The following SBF2 variants were observed in gnomAD, a reference collection of about 807,000 sequenced individuals.
The protein encoded by SBF2 is myotubularin-related protein 13.
SBF2 carries 112 observed loss-of-function variants against 225.2 expected under a neutral mutation model. That is an observed-to-expected ratio of 0.50 (90% CI 0.43 to 0.58). The LOEUF (loss-of-function observed/expected upper bound fraction) is 0.58, where lower values mean the gene tolerates loss of function less well. Among genes scored for constraint, SBF2 ranks in the 20% least tolerant of loss-of-function variants. SBF2 has a pLI of 0.00. For synonymous variants in SBF2, 763 were observed against 773.3 expected (o/e 0.99, Z 0.22); for missense variants, 1,996 against 2,206.2 (o/e 0.90, Z 1.91).
intron 2 of SBF2, among the ~76,000 whole-genome samples, chr11:10,156,055 C>T (rs1222173211): frequency 2.0e-5 from 3 of 152,192 alleles, no homozygotes; most frequent in Non-Finnish European, 2.9e-5. Context: ...GCTCTGGACC[C>T]GGGCATCCCT....
At chr11:9,830,845 T>C (rs1460611939) in intron 27 of SBF2, among the ~76,000 whole-genome samples, 1 of 150,332 alleles carries the variant, frequency 6.7e-6, no homozygotes, top group African/African-American at 2.5e-5. Context: ...ATATGAAATA[T>C]AGTAAATTTA....
chr11:10,016,388 T>C (rs984615788), intron 6 of SBF2: 2 of 152,194 alleles, frequency 1.3e-5, no homozygotes, highest in East Asian at 1.9e-4. Context: ...AGAAAATTAA[T>C]AGTATAATAC....
chr11:9,796,103 G>A (rs989740494), intron 32 of SBF2, 146 bp from the exon 33 acceptor site: 1 of 828,758 alleles, frequency 1.2e-6, no homozygotes, highest in Non-Finnish European at 1.9e-6. Flanking sequence ...AAGTAGAGAT[G>A]GGAAGGGAAC....
intron 2 of SBF2, among the ~76,000 whole-genome samples, chr11:10,193,515 C>T (rs531145996): frequency 7.2e-5 from 11 of 151,952 alleles, no homozygotes; most frequent in Admixed American, 2.0e-4. Context: ...CCACCACGCC[C>T]GGCTAATTTT....
intron 1 of SBF2, among the ~76,000 whole-genome samples, chr11:10,197,902 T>C (rs1274034215): frequency 6.6e-6 from 1 of 152,230 alleles, no homozygotes; most frequent in Non-Finnish European, 1.5e-5. Flanking sequence ...TATCGTGAGA[T>C]TGTAGCAATT....
intron 17 of SBF2, among the ~76,000 whole-genome samples, chr11:9,864,545 C>A (rs891494732): frequency 6.6e-6 from 1 of 152,042 alleles, no homozygotes; most frequent in African/African-American, 2.4e-5. Flanking sequence ...CACCACCATG[C>A]CTGGCTAATT....
intron 4 of SBF2, among the ~76,000 whole-genome samples, chr11:10,030,404 T>C (rs547195794): frequency 1.0e-3 from 153 of 152,310 alleles, no homozygotes; most frequent in Non-Finnish European, 1.9e-3. Flanking sequence ...ATAGCAAAAT[T>C]TGTGACTCTG....
intron 17 of SBF2, among the ~76,000 whole-genome samples, chr11:9,876,896 C>G (rs1211041446): frequency 6.6e-6 from 1 of 152,004 alleles, no homozygotes; most frequent in Admixed American, 6.6e-5. Context: ...CCACCACCAT[C>G]CCCAGCTAAA....
intron 6 of SBF2, among the ~76,000 whole-genome samples, chr11:10,024,143 G>A (rs913062724): frequency 6.6e-6 from 1 of 152,108 alleles, no homozygotes. Context: ...TATGTTGCGT[G>A]TATCAGCCAT....
intron 28 of SBF2, among the ~76,000 whole-genome samples, chr11:9,822,180 GAATT>G (rs2133919929): frequency 6.6e-6 from 1 of 151,516 alleles, no homozygotes; most frequent in African/African-American, 2.4e-5. Flanking sequence ...AAGACACTGA[GAATT>G]AAGAGGTTTC....
At chr11:10,258,423 T>C (rs1961095141) in intron 1 of SBF2, among the ~76,000 whole-genome samples, 1 of 152,144 alleles carries the variant, frequency 6.6e-6, no homozygotes, top group Non-Finnish European at 1.5e-5. Flanking sequence ...GGTAAATAAG[T>C]AAAGATATTA....
chr11:9,988,519 C>T (rs767206451), intron 13 of SBF2, among the ~76,000 whole-genome samples: 9 of 152,064 alleles, frequency 5.9e-5, no homozygotes, highest in East Asian at 5.8e-4. Flanking sequence ...TGACAAAAGA[C>T]GACTATCCAG....
intron 32 of SBF2, among the ~76,000 whole-genome samples, chr11:9,797,470 G>A (rs756758676): frequency 6.6e-5 from 10 of 152,206 alleles, no homozygotes; most frequent in Non-Finnish European, 1.5e-4. Flanking sequence ...CTGCTTCCTT[G>A]ATGTGAGCCA....
At position 10,002,698 on chromosome 11, in the gene SBF2, A is replaced by G. The variant is rs199676895; in HGVS notation, c.620-9T>C. On this transcript the variant is annotated splice_polypyrimidine_tract_variant and intron_variant, in intron 6 of 39. Transcript: ENST00000256190. The stretch of plus-strand genomic sequence containing the variant: ...GAGGACATTTTGAATTCCTGAAAAC[A>G]TAAGAGCAAGGACTTACAAATGCAT... The G allele has an allele frequency of 3.6e-5, 58 of 1,612,402 alleles. No individual in the cohort carries two copies. Among genetic ancestry groups the G allele is most frequent in the Middle Eastern group, 3.3e-4 (2 of 6,058 alleles).
At chr11:10,208,208 C>A (rs1278558139) in intron 1 of SBF2, among the ~76,000 whole-genome samples, 2 of 151,848 alleles carry the variant, frequency 1.3e-5, no homozygotes, top group Non-Finnish European at 2.9e-5. Flanking sequence ...ACTTCAGGCA[C>A]GGTAAACCAA....
intron 10 of SBF2, 57 bp downstream of exon 10, chr11:9,993,864 A>G (rs1947547040): frequency 4.7e-6 from 7 of 1,477,420 alleles, no homozygotes; most frequent in Non-Finnish European, 6.6e-6. Context: ...TAACAACCCT[A>G]TAAATAAAAA....
chr11:9,962,991 T>C (rs748875639), intron 15 of SBF2, among the ~76,000 whole-genome samples: 2 of 151,986 alleles, frequency 1.3e-5, no homozygotes, highest in South Asian at 2.1e-4. Flanking sequence ...CCCCTGAAAA[T>C]AGATATTCAG....
rs1325768657 is a variant in SBF2, at chr11:9,978,392, G to A, written c.1396-9847C>T. 2.6e-5 allele frequency among the ~76,000 whole-genome samples: 4 copies of A among 151,990 alleles called. No homozygotes were observed. The South Asian group carries it at 6.2e-4, about 24-fold the overall frequency. On this transcript the variant is annotated intron_variant, in intron 13 of 39. Coordinates refer to ENST00000256190, the MANE Select transcript of SBF2 (RefSeq NM_030962.4). ...GTGTATCCTTTTCTGAAGGATATTA[G>A]GAGAATTACGTACCTAGAATATGCC... is the stretch of plus-strand genomic sequence containing the variant.
chr11:10,262,095 T>G (rs1193525134), intron 1 of SBF2, among the ~76,000 whole-genome samples: 1 of 151,778 alleles, frequency 6.6e-6, no homozygotes, highest in African/African-American at 2.4e-5. Context: ...GAACATTGCA[T>G]CAAAAGAAAA....
Sources: gnomAD v4.1 joint callset for allele counts (sites outside exome capture counted in the v4.1 genomes callset) on GRCh38, gnomAD v4.1.1 for gene constraint, MANE v1.5 for transcripts, NCBI Gene and HGNC (gene_info 2026-07-23, HGNC 2026-07-21) for gene names.